RCHY1: variants seen among roughly 807,000 people sequenced by gnomAD.
RCHY1 encodes the protein RING finger and CHY zinc finger domain-containing protein 1.
In RCHY1, 21 loss-of-function variants were observed where a neutral mutation model predicts 41.6. The ratio of observed to expected loss-of-function variants is 0.51; its 90% CI spans 0.36 to 0.73. The LOEUF is 0.73. Ranked by LOEUF, RCHY1 falls within the 30% of genes least tolerant of loss-of-function variation. The probability of loss-of-function intolerance (pLI) is 0.00; values close to 1 mark genes in which losing one functional copy is unlikely to be tolerated. For synonymous variants in RCHY1, 79 were observed against 102.9 expected (o/e 0.77, Z 1.41); for missense variants, 265 against 325.3 (o/e 0.81, Z 1.43).
chr4:75,493,985 A>G (rs1396561695), intron 4 of RCHY1, 116 bp downstream of exon 4: 3 of 628,672 alleles, frequency 4.8e-6, no homozygotes, highest in Non-Finnish European at 8.2e-6. Context: ...CAAAAAAGCA[A>G]TATAGTTGCA....
intron 3 of RCHY1, among the ~76,000 whole-genome samples, chr4:75,503,325 T>A (rs1723969831): frequency 6.6e-6 from 1 of 152,154 alleles, no homozygotes. Context: ...ATAAATCAGA[T>A]TATGATTTTC....
intron 8 of RCHY1, among the ~76,000 whole-genome samples, chr4:75,487,475 T>TATAGTC (rs1305166737): frequency 8.2e-6 from 1 of 122,636 alleles, no homozygotes; most frequent in African/African-American, 2.9e-5. Flanking sequence ...ATATTCACAA[T>TATAGTC]ATATATAGTC....
chr4:75,512,305 C>T (rs1724968243), intron 1 of RCHY1, among the ~76,000 whole-genome samples: 1 of 152,192 alleles, frequency 6.6e-6, no homozygotes, highest in South Asian at 2.1e-4. Flanking sequence ...CTGCTGATGA[C>T]CTTATTTCAC....
At chr4:75,499,382 C>A (rs573420167) in intron 3 of RCHY1, among the ~76,000 whole-genome samples, 1 of 152,254 alleles carries the variant, frequency 6.6e-6, no homozygotes, top group Non-Finnish European at 1.5e-5. Context: ...CTCAAAAAGA[C>A]TAAACATAGA....
In RCHY1 at chr4:75,508,343, G is replaced by A. The variant is rs535864601; in HGVS notation, c.326+477C>T. Among the ~76,000 whole-genome samples, 4 of 152,026 alleles carry A rather than the reference G, an allele frequency of 2.6e-5. No individual in the cohort carries two copies. The South Asian group carries it at 8.3e-4, about 32-fold the overall frequency. On this transcript the variant is annotated intron_variant, in intron 3 of 8. Coordinates refer to ENST00000324439, the MANE Select transcript of RCHY1 (RefSeq NM_015436.4). ...GAAAGAAAATAATTCCTTATACACC[G>A]ACATGTCAACAGTAGCTTGTCTGTG...
At chr4:75,505,070 G>A (rs770051038) in intron 3 of RCHY1, among the ~76,000 whole-genome samples, 1 of 152,174 alleles carries the variant, frequency 6.6e-6, no homozygotes, top group East Asian at 1.9e-4. Flanking sequence ...TCCATGGACC[G>A]AGGTTGGGGG....
At chr4:75,485,316 T>A (rs1424215746) in intron 8 of RCHY1, among the ~76,000 whole-genome samples, 2 of 152,202 alleles carry the variant, frequency 1.3e-5, no homozygotes, top group African/African-American at 2.4e-5. Context: ...AGTAGTTAAA[T>A]TTTTAAAAAC....
chr4:75,479,716 T>G lies in RCHY1; in HGVS notation c.*2822A>C, dbSNP rs531991518. 1 of 152,150 alleles carries G rather than the reference T, an allele frequency of 6.6e-6. No homozygotes were observed. Among genetic ancestry groups the G allele is most frequent in the Non-Finnish European group, 1.5e-5 (1 of 67,998 alleles). The allele number at this position is 152,150 out of a possible 1,614,324, so 9.4% of individuals were successfully genotyped here. A position where few individuals can be genotyped will look rare whatever the true frequency, so the allele number is the denominator to read the frequency against. ...CACCAAAAAATTCGTAAGGGTATTG[T>G]TATTTTACTTTTTTCAAAAATAATC... On this transcript the variant is annotated 3_prime_UTR_variant, in exon 9 of 9. Transcript: ENST00000324439.
chr4:75,484,734 T>TA (rs1469702066), intron 8 of RCHY1, among the ~76,000 whole-genome samples: 2 of 152,140 alleles, frequency 1.3e-5, no homozygotes, highest in Non-Finnish European at 2.9e-5. Flanking sequence ...TATAGAAGGA[T>TA]AAAATGCCAT....
chr4:75,508,058 G>A (rs1724495483), intron 3 of RCHY1, among the ~76,000 whole-genome samples: 1 of 151,452 alleles, frequency 6.6e-6, no homozygotes, highest in Admixed American at 6.6e-5. Flanking sequence ...TTGGTAGGTT[G>A]GTTATCCTTC....
intron 3 of RCHY1, among the ~76,000 whole-genome samples, chr4:75,496,892 C>CA (rs1327560506): frequency 1.3e-5 from 2 of 152,032 alleles, no homozygotes; most frequent in Admixed American, 6.6e-5. Context: ...GAAGAATAAT[C>CA]AATCAATCAA....
chr4:75,509,720 T>C, intron 1 of RCHY1: 1 of 169,390 alleles, frequency 5.9e-6, no homozygotes, highest in African/African-American at 2.4e-5. Flanking sequence ...CTCGTGATAA[T>C]GAATAAAATC....
chr4:75,492,031 A>G, intron 4 of RCHY1, 98 bp from the exon 5 acceptor site: 1 of 824,030 alleles, frequency 1.2e-6, no homozygotes, highest in Non-Finnish European at 1.8e-6. Flanking sequence ...CCAACTTACT[A>G]AAAATAATAG....
chr4:75,514,340 G>T lies in RCHY1; in HGVS notation c.-54C>A. ...ATCCTTCCCCCAGGATAAAAACCAC[G>T]CCCAGAGAAGCTGCGCCTCTCTAGC... is the stretch of plus-strand genomic sequence containing the variant. On this transcript the variant is annotated 5_prime_UTR_variant, in exon 1 of 9. Transcript: ENST00000324439. 1 of 1,567,530 alleles carries T rather than the reference G, an allele frequency of 6.4e-7. No individual in the cohort carries two copies. The highest frequency in any genetic ancestry group is 8.7e-7 in the Non-Finnish European group (1 of 1,147,816).
Position 75,509,576 on chromosome 4 carries a change from AACACCTGATAT to A in RCHY1, c.91-291_91-281del. 3 of 291,404 alleles carry A rather than the reference AACACCTGATAT, an allele frequency of 1.0e-5. No homozygotes were observed. The South Asian group carries it at 1.7e-4, about 17-fold the overall frequency. The allele number at this position is 291,404 out of a possible 1,614,324, so 18.1% of individuals were successfully genotyped here. On this transcript the variant is annotated intron_variant, in intron 1 of 8. Coordinates refer to ENST00000324439, the MANE Select transcript of RCHY1 (RefSeq NM_015436.4). Reference sequence around the variant, plus strand: ...CCCTAGATTGAAACACTAATCCCACAACACCTGATATGCTTTGGCTGTGTTCCCACCCAAAT... The same window carrying A: ...CCCTAGATTGAAACACTAATCCCACAGCTTTGGCTGTGTTCCCACCCAAAT...
intron 3 of RCHY1, among the ~76,000 whole-genome samples, chr4:75,499,006 A>G (rs918693897): frequency 2.0e-5 from 3 of 152,156 alleles, no homozygotes; most frequent in African/African-American, 7.2e-5. Flanking sequence ...AACCCACAGA[A>G]TGAGAGAAAC....
intron 8 of RCHY1, among the ~76,000 whole-genome samples, chr4:75,487,448 T>C (rs997499304): frequency 1.5e-5 from 2 of 137,736 alleles, no homozygotes; most frequent in African/African-American, 5.3e-5. Flanking sequence ...TATATAAATA[T>C]ATATATAGTC....
rs1721387216 is a variant in RCHY1, at chr4:75,479,859, AAAG to A, written c.*2676_*2678del. ...TTAACATTCCTGTAAGCATTATAAA[AAAG>A]AATAGGAAAAGAATGAAGTTGTCTG... On this transcript the variant is annotated 3_prime_UTR_variant, in exon 9 of 9. Transcript: ENST00000324439. The A allele has an allele frequency of 6.6e-6, 1 of 152,204 alleles. No individual in the cohort carries two copies. The highest frequency in any genetic ancestry group is 2.1e-4 in the South Asian group (1 of 4,836). 9.4% of individuals were successfully genotyped at this position (152,204 alleles called of 1,614,324 possible).
At chr4:75,505,417 G>C (rs1211845237) in intron 3 of RCHY1, among the ~76,000 whole-genome samples, 1 of 152,146 alleles carries the variant, frequency 6.6e-6, no homozygotes, top group African/African-American at 2.4e-5. Flanking sequence ...TTACCATGTA[G>C]CATGAGATGT....
Sources: gnomAD v4.1 joint callset for allele counts (sites outside exome capture counted in the v4.1 genomes callset) on GRCh38, gnomAD v4.1.1 for gene constraint, MANE v1.5 for transcripts, NCBI Gene and HGNC (gene_info 2026-07-23, HGNC 2026-07-21) for gene names.